Variants in NPFFR2 observed in about 807,000 individuals in gnomAD.
NPFFR2 encodes neuropeptide FF receptor 2.
Under a neutral mutation model 13.1 loss-of-function variants are expected in NPFFR2, and 15 were observed. That is an observed-to-expected ratio of 1.15 (90% CI 0.77 to 1.76). The LOEUF is 1.76. NPFFR2 is among the 40% of genes most tolerant of loss of function. The pLI is 0.00. For synonymous variants in NPFFR2, 190 were observed against 175.7 expected (o/e 1.08, Z -0.65); for missense variants, 572 against 503.5 (o/e 1.14, Z -1.30).
At chr4:72,108,469 C>A (rs1450074153) in intron 1 of NPFFR2, among the ~76,000 whole-genome samples, 1 of 151,892 alleles carries the variant, frequency 6.6e-6, no homozygotes, top group Non-Finnish European at 1.5e-5. Context: ...AATTCACTGT[C>A]TGAACTCAGT....
At chr4:72,081,491 G>GT (rs11435353) in intron 1 of NPFFR2, among the ~76,000 whole-genome samples, 87,457 of 143,682 alleles carry the variant, frequency 0.61, 27,333 homozygotes, top group Middle Eastern at 0.74. Context: ...TTTAAGAATT[G>GT]TTTTTTTTTT....
chr4:72,071,373 TTTGTGAGGAGCGTG>T (rs371225646), intron 1 of NPFFR2, among the ~76,000 whole-genome samples: 250 of 152,248 alleles, frequency 1.6e-3, no homozygotes, highest in African/African-American at 5.6e-3. Flanking sequence ...AGATTTTGTT[TTTGTGAGGAGCGTG>T]TATGACCCCC....
In NPFFR2 at chr4:72,097,333, T is replaced by C. The variant is rs1721102130; in HGVS notation, c.-7-31252T>C. Reference sequence around the variant, plus strand: ...AAGACTTTATGCCTTTTTAAATATGTCAGTGTTTTATAGTTTTCCTCTGTC... The same window carrying C: ...AAGACTTTATGCCTTTTTAAATATGCCAGTGTTTTATAGTTTTCCTCTGTC... On this transcript the variant is annotated intron_variant, in intron 1 of 3. Transcript: ENST00000308744. Among the ~76,000 whole-genome samples the C allele has an allele frequency of 2.6e-5, 4 of 152,242 alleles. No individual in the cohort carries two copies. In the South Asian group the frequency reaches 8.3e-4, roughly 32 times the overall value.
chr4:72,046,636 C>T (rs72852901), intron 1 of NPFFR2, among the ~76,000 whole-genome samples: 4,383 of 152,060 alleles, frequency 0.029, 200 homozygotes, highest in African/African-American at 0.1. Flanking sequence ...TAGCAAAGTG[C>T]TGAAAAGGTG....
In NPFFR2 at chr4:72,146,949, G is replaced by A. The variant is rs147692694; in HGVS notation, c.429-29G>A. On this transcript the variant is annotated intron_variant, in intron 3 of 3. Coordinates refer to ENST00000308744, the MANE Select transcript of NPFFR2 (RefSeq NM_004885.3). ...ACTTGGTCAGAAGTGATGAAGCAGT[G>A]CCTCATTTATATTTGTGTTTAATTG... 1.7e-4 allele frequency: 252 copies of A among 1,483,236 alleles called. No individual in the cohort carries two copies. The African/African-American group carries it at 3.2e-3, about 19-fold the overall frequency. 91.9% of individuals were successfully genotyped at this position (1,483,236 alleles called of 1,614,324 possible). A position where few individuals can be genotyped will look rare whatever the true frequency, so the allele number is the denominator to read the frequency against.
intron 1 of NPFFR2, among the ~76,000 whole-genome samples, chr4:72,064,407 C>T (rs28693426): frequency 4.8e-3 from 736 of 152,276 alleles, no homozygotes; most frequent in Middle Eastern, 0.014. Flanking sequence ...TGCCACCCTC[C>T]GTAGGCAGTT....
At chr4:72,115,206 T>G (rs1264248808) in intron 1 of NPFFR2, among the ~76,000 whole-genome samples, 1 of 152,198 alleles carries the variant, frequency 6.6e-6, no homozygotes, top group African/African-American at 2.4e-5. Context: ...CATGGATGTA[T>G]TTATTTCAAT....
At chr4:72,067,626 GTT>G (rs60012251) in intron 1 of NPFFR2, among the ~76,000 whole-genome samples, 2 of 151,874 alleles carry the variant, frequency 1.3e-5, no homozygotes, top group Non-Finnish European at 2.9e-5. Context: ...TCCTTCTTCA[GTT>G]TTTTTTCTCT....
chr4:72,058,367 C>G (rs891847753), intron 1 of NPFFR2, among the ~76,000 whole-genome samples: 6 of 148,994 alleles, frequency 4.0e-5, no homozygotes, highest in Non-Finnish European at 8.9e-5. Flanking sequence ...TAACTTTTCT[C>G]TAGTTCTGAA....
chr4:72,098,288 T>C (rs1159267675), intron 1 of NPFFR2, among the ~76,000 whole-genome samples: 1 of 152,162 alleles, frequency 6.6e-6, no homozygotes, highest in Non-Finnish European at 1.5e-5. Context: ...ACTAGACATA[T>C]GTAAAAAGAG....
intron 1 of NPFFR2, among the ~76,000 whole-genome samples, chr4:72,053,072 G>C (rs913551298): frequency 1.3e-5 from 2 of 151,672 alleles, no homozygotes; most frequent in Non-Finnish European, 2.9e-5. Context: ...GCTGTAGCTC[G>C]ACCACCTTGG....
At chr4:72,037,621 T>C (rs1047979101) in intron 1 of NPFFR2, among the ~76,000 whole-genome samples, 8 of 152,162 alleles carry the variant, frequency 5.3e-5, no homozygotes, top group Admixed American at 6.5e-5. Context: ...TACTTACTCA[T>C]GATCTCCTCT....
At chr4:72,119,300 G>T (rs750469148) in intron 1 of NPFFR2, among the ~76,000 whole-genome samples, 96 of 152,132 alleles carry the variant, frequency 6.3e-4, no homozygotes, top group Non-Finnish European at 1.1e-3. Context: ...AAGGGATGAG[G>T]AGTTGGTCTC....
chr4:72,098,144 T>C (rs1409542271), intron 1 of NPFFR2, among the ~76,000 whole-genome samples: 2 of 152,090 alleles, frequency 1.3e-5, no homozygotes, highest in Non-Finnish European at 2.9e-5. Context: ...AATAGATGGA[T>C]ATTCCCTTTA....
At position 72,148,116 on chromosome 4, in the gene NPFFR2, T is replaced by G; in HGVS notation, c.*304T>G. 2 of 253,808 alleles carry G rather than the reference T, an allele frequency of 7.9e-6. No homozygotes were observed. The highest frequency in any genetic ancestry group is 1.5e-5 in the Non-Finnish European group (2 of 134,364). The allele number at this position is 253,808 out of a possible 1,614,324, so 15.7% of individuals were successfully genotyped here. A position where few individuals can be genotyped will look rare whatever the true frequency, so the allele number is the denominator to read the frequency against. ...ATTTGTGTATGCGTCAAATCAAGCCTGCACGCGTGCGTGCATGTGTGTGTG... is the reference window on the plus strand; with the variant it reads ...ATTTGTGTATGCGTCAAATCAAGCCGGCACGCGTGCGTGCATGTGTGTGTG... On this transcript the variant is annotated 3_prime_UTR_variant, in exon 4 of 4. Coordinates refer to ENST00000308744, the MANE Select transcript of NPFFR2 (RefSeq NM_004885.3).
intron 1 of NPFFR2, among the ~76,000 whole-genome samples, chr4:72,054,503 A>C (rs1192699821): frequency 6.6e-6 from 1 of 152,012 alleles, no homozygotes; most frequent in Admixed American, 6.6e-5. Context: ...AAATGTAAAC[A>C]TATAAGCTAA....
chr4:72,042,557 T>C (rs1041878224), intron 1 of NPFFR2, among the ~76,000 whole-genome samples: 2 of 152,162 alleles, frequency 1.3e-5, no homozygotes, highest in Non-Finnish European at 2.9e-5. Flanking sequence ...TTGACCAAAA[T>C]GCTGATAGTG....
At chr4:72,126,507 G>A (rs533623824) in intron 1 of NPFFR2, among the ~76,000 whole-genome samples, 19 of 152,338 alleles carry the variant, frequency 1.2e-4, no homozygotes, top group South Asian at 6.2e-4. Flanking sequence ...TGCTTGCTAA[G>A]TTGGCTCTTG....
intron 1 of NPFFR2, among the ~76,000 whole-genome samples, chr4:72,123,120 C>G (rs1721939228): frequency 6.6e-6 from 1 of 152,112 alleles, no homozygotes; most frequent in Non-Finnish European, 1.5e-5. Flanking sequence ...AAACTACCAT[C>G]AGAATACTAT....
Sources: allele counts gnomAD v4.1 joint callset (sites outside exome capture counted in the v4.1 genomes callset), GRCh38; gene constraint gnomAD v4.1.1; transcripts MANE v1.5; gene names NCBI Gene and HGNC (gene_info 2026-07-23, HGNC 2026-07-21).